The following CLDN6 variants were observed in gnomAD, a reference collection of about 807,000 sequenced individuals.
CLDN6 encodes the protein claudin-6.
For synonymous variants in CLDN6, 144 were observed against 131.2 expected, an observed-to-expected ratio of 1.10 and a Z score of -0.67; for missense variants, 279 against 284.1, an observed-to-expected ratio of 0.98 and a Z score of 0.13.
chr16:3,015,296 G>C lies in CLDN6; in HGVS notation c.*63C>G. On this transcript the variant is annotated 3_prime_UTR_variant, in exon 2 of 2. Coordinates refer to ENST00000328796, the MANE Select transcript of CLDN6 (RefSeq NM_021195.5). ...ACAAAAGGTACGAACCCATCCCAAA[G>C]CTGTTGGGCACTGCCACTTCTGGAT... 2 of 1,408,632 alleles carry C rather than the reference G, an allele frequency of 1.4e-6. No homozygotes were observed. Among genetic ancestry groups the C allele is most frequent in the Non-Finnish European group, 9.6e-7 (1 of 1,040,212 alleles). The allele number at this position is 1,408,632 out of a possible 1,614,324, so 87.3% of individuals were successfully genotyped here.
rs533452647 is a variant in CLDN6, at chr16:3,017,799, C to T, written c.-22+350G>A. 1.6e-3 allele frequency among the ~76,000 whole-genome samples: 242 copies of T among 151,926 alleles called. No homozygotes were observed. The Middle Eastern group carries it at 0.031, about 19-fold the overall frequency. On this transcript the variant is annotated intron_variant, in intron 1 of 1. Transcript: ENST00000328796. ...CACCCGACCACCCCAGCCTGGGAGCCGCGCGCCCTGGAGGGGTTCTATAGC... is the reference window on the plus strand; with the variant it reads ...CACCCGACCACCCCAGCCTGGGAGCTGCGCGCCCTGGAGGGGTTCTATAGC...
Position 3,015,459 on chromosome 16 carries a change from C to G in CLDN6, c.563G>C (p.Gly188Ala). 2 of 1,586,638 alleles carry G rather than the reference C, an allele frequency of 1.3e-6. No individual in the cohort carries two copies. Among genetic ancestry groups the G allele is most frequent in the Non-Finnish European group, 1.7e-6 (2 of 1,165,722 alleles). The stretch of plus-strand genomic sequence containing the variant: ...GTAATGGCTGGGGCCCTGGGACCCC[C>G]CCGAGGGGCAAGTGCAGCACAGCAA... ...GGLLCCTCPSGGSQGPSHYMA... is the reference protein window; with the variant it reads ...GGLLCCTCPSAGSQGPSHYMA... The change falls in exon 2 of 2, where the codon GGG becomes GCG. Residue 188 changes from glycine (G) to alanine (A), a missense_variant. Coordinates refer to ENST00000328796, the MANE Select transcript of CLDN6 (RefSeq NM_021195.5).
In CLDN6 at chr16:3,015,534, G is replaced by A. The variant is rs1436396337; in HGVS notation, c.488C>T (p.Ser163Phe). The part of the protein sequence containing the change: ...AEAQKRELGA[S>F]LYLGWAASGL... ...TGAGGCCGCCCAGCCCAAGTAGAGGGAGGCCCCCAGCTCCCGCTTTTGGGC... is the reference window on the plus strand; with the variant it reads ...TGAGGCCGCCCAGCCCAAGTAGAGGAAGGCCCCCAGCTCCCGCTTTTGGGC... The change falls in exon 2 of 2, where the codon TCC (serine) becomes TTC (phenylalanine). Residue 163 changes from serine to phenylalanine, a missense_variant. Transcript: ENST00000328796. 3.7e-6 allele frequency: 6 copies of A among 1,612,788 alleles called. No homozygotes were observed. In the Admixed American group the frequency reaches 1.0e-4, roughly 27 times the overall value.
At position 3,015,896 on chromosome 16, in the gene CLDN6, C is replaced by T. The variant is rs779467218; in HGVS notation, c.126G>A (p.Val42=). ...ACAGGCCCTCCCACACCACCTGGGC[C>T]ACCACGATGCTGTTGCCGATGAAAG... The part of the protein sequence containing the change: ...VTAFIGNSIV[V]AQVVWEGLWM... Residue 42 remains valine (V), a synonymous_variant, in exon 2 of 2, where the codon GTG becomes GTA. Transcript: ENST00000328796. 8.7e-6 allele frequency: 14 copies of T among 1,614,134 alleles called. No homozygotes were observed. The highest frequency in any genetic ancestry group is 3.3e-5 in the South Asian group (3 of 91,092).
At position 3,015,743 on chromosome 16, in the gene CLDN6, G is replaced by C. The variant is rs770885606; in HGVS notation, c.279C>G (p.Phe93Leu). ...CCCCAGCAAGGTAGACCAGCAAGCC[G>C]AACAGGGCCACAAGGAGGGCGATGA... The part of the protein sequence containing the change: ...LCVIALLVAL[F>L]GLLVYLAGAK... The change falls in exon 2 of 2, where the codon TTC becomes TTG. Residue 93 changes from phenylalanine (F) to leucine (L), a missense_variant. Coordinates refer to ENST00000328796, the MANE Select transcript of CLDN6 (RefSeq NM_021195.5). The C allele has an allele frequency of 1.9e-6, 3 of 1,613,978 alleles. No homozygotes were observed. The highest frequency in any genetic ancestry group is 2.5e-6 in the Non-Finnish European group (3 of 1,180,048).
chr16:3,017,928 G>C (rs2072578345), intron 1 of CLDN6, among the ~76,000 whole-genome samples: 1 of 151,108 alleles, frequency 6.6e-6, no homozygotes, highest in South Asian at 2.1e-4. Flanking sequence ...GGGTTTCGGA[G>C]TCTTTGTCCC....
In CLDN6 at chr16:3,014,980, C is replaced by G. The variant is rs984149421; in HGVS notation, c.*379G>C. On this transcript the variant is annotated 3_prime_UTR_variant, in exon 2 of 2. Coordinates refer to ENST00000328796, the MANE Select transcript of CLDN6 (RefSeq NM_021195.5). ...CCTGAGTAGGATGGGGGGCAGCTGT[C>G]CAGTGACATCTAGGGAAGCCCAGCC... The G allele has an allele frequency of 2.4e-6, 1 of 408,654 alleles. No individual in the cohort carries two copies. Among genetic ancestry groups the G allele is most frequent in the South Asian group, 1.2e-4 (1 of 8,632 alleles). 25.3% of individuals were successfully genotyped at this position (408,654 alleles called of 1,614,324 possible). A position where few individuals can be genotyped will look rare whatever the true frequency, so the allele number is the denominator to read the frequency against.
At chr16:3,016,776 T>C (rs1047687334) in intron 1 of CLDN6, among the ~76,000 whole-genome samples, 5 of 151,546 alleles carry the variant, frequency 3.3e-5, no homozygotes, top group Non-Finnish European at 5.9e-5. Context: ...GCCTCCCGAG[T>C]AGCTGGGACT....
intron 1 of CLDN6, among the ~76,000 whole-genome samples, chr16:3,016,697 G>C (rs2072569628): frequency 6.7e-6 from 1 of 149,778 alleles, no homozygotes; most frequent in Non-Finnish European, 1.5e-5. Flanking sequence ...GCCCAGCCTG[G>C]AGTGCAGTGG....
rs771125471 is a variant in CLDN6 at position 3,015,602 on chromosome 16, C to A, written c.420G>T (p.Ala140=). The change falls in exon 2 of 2, where the codon GCG becomes GCT. Residue 140 remains alanine (A), a synonymous_variant. Transcript: ENST00000328796. ...VLTLIPVCWT[A]HAIIRDFYNP... ...TATAGAAGTCCCGGATGATGGCATG[C>A]GCCGTCCAGCACACGGGGATTAGCG... The A allele has an allele frequency of 3.1e-6, 5 of 1,613,064 alleles. No individual in the cohort carries two copies. In the South Asian group the frequency reaches 4.4e-5, roughly 14 times the overall value.
At position 3,015,616 on chromosome 16, in the gene CLDN6, C is replaced by T. The variant is rs560543165; in HGVS notation, c.406G>A (p.Val136Met). Reference sequence around the variant, plus strand: ...ATGATGGCATGCGCCGTCCAGCACACGGGGATTAGCGTCAGGACCCCTGAG... The same window carrying T: ...ATGATGGCATGCGCCGTCCAGCACATGGGGATTAGCGTCAGGACCCCTGAG... ...VISGVLTLIP[V>M]CWTAHAIIRD... is the part of the protein sequence containing the mutation. The change falls in exon 2 of 2, where the codon GTG becomes ATG. Residue 136 changes from valine to methionine, a missense_variant. Coordinates refer to ENST00000328796, the MANE Select transcript of CLDN6 (RefSeq NM_021195.5). 90 of 1,613,284 alleles carry T rather than the reference C, an allele frequency of 5.6e-5. No individual in the cohort carries two copies. Among genetic ancestry groups the T allele is most frequent in the Non-Finnish European group, 6.8e-5 (80 of 1,180,048 alleles).
rs1219431808 is a variant in CLDN6, at chr16:3,015,321, T to C, written c.*38A>G. On this transcript the variant is annotated 3_prime_UTR_variant, in exon 2 of 2. Coordinates refer to ENST00000328796, the MANE Select transcript of CLDN6 (RefSeq NM_021195.5). ...GCTGTTGGGCACTGCCACTTCTGGA[T>C]GGCTCTAGCGCCAGCGGAGCCCCCA... is the stretch of plus-strand genomic sequence containing the variant. The C allele has an allele frequency of 1.3e-6, 2 of 1,503,644 alleles. No homozygotes were observed. The highest frequency in any genetic ancestry group is 1.4e-5 in the African/African-American group (1 of 71,432). 93.1% of individuals were successfully genotyped at this position (1,503,644 alleles called of 1,614,324 possible).
At position 3,014,792 on chromosome 16, in the gene CLDN6, A is replaced by C; in HGVS notation, c.*567T>G. 1 of 147,250 alleles carries C rather than the reference A, an allele frequency of 6.8e-6. No homozygotes were observed. The highest frequency in any genetic ancestry group is 1.5e-4 in the Admixed American group (1 of 6,808). The allele number at this position is 147,250 out of a possible 1,614,324, so 9.1% of individuals were successfully genotyped here. A position where few individuals can be genotyped will look rare whatever the true frequency, so the allele number is the denominator to read the frequency against. On this transcript the variant is annotated 3_prime_UTR_variant, in exon 2 of 2. Coordinates refer to ENST00000328796, the MANE Select transcript of CLDN6 (RefSeq NM_021195.5). Reference sequence around the variant, plus strand: ...CGAGGGGGGCAGGGCAGAAGGGTGCAGTGTTGGAGGTGGGGGCGGGGGTCT... The same window carrying C: ...CGAGGGGGGCAGGGCAGAAGGGTGCCGTGTTGGAGGTGGGGGCGGGGGTCT...
rs780310450 is a variant in CLDN6, at chr16:3,015,524, C to T, written c.498G>A (p.Leu166=). 7 of 1,612,858 alleles carry T rather than the reference C, an allele frequency of 4.3e-6. No homozygotes were observed. The highest frequency in any genetic ancestry group is 5.9e-6 in the Non-Finnish European group (7 of 1,179,842). The change falls in exon 2 of 2, where the codon TTG becomes TTA. Residue 166 remains leucine, a synonymous_variant. Coordinates refer to ENST00000328796, the MANE Select transcript of CLDN6 (RefSeq NM_021195.5). ...QKRELGASLY[L]GWAASGLLLL... Reference sequence around the variant, plus strand: ...ACAAAAGGCCTGAGGCCGCCCAGCCCAAGTAGAGGGAGGCCCCCAGCTCCC... The same window carrying T: ...ACAAAAGGCCTGAGGCCGCCCAGCCTAAGTAGAGGGAGGCCCCCAGCTCCC...
In CLDN6 at chr16:3,014,871, CAG is replaced by C. The variant is rs2072555147; in HGVS notation, c.*486_*487del. 2 of 351,668 alleles carry C rather than the reference CAG, an allele frequency of 5.7e-6. No homozygotes were observed. The highest frequency in any genetic ancestry group is 1.5e-4 in the South Asian group (1 of 6,674). The allele number at this position is 351,668 out of a possible 1,614,324, so 21.8% of individuals were successfully genotyped here. The stretch of plus-strand genomic sequence containing the variant: ...GGACGTCTTATCAGGACGGAGGAAA[CAG>C]AGGTCAGAAGTTCCGGAGGTGGGCA... On this transcript the variant is annotated 3_prime_UTR_variant, in exon 2 of 2. Coordinates refer to ENST00000328796, the MANE Select transcript of CLDN6 (RefSeq NM_021195.5).
intron 1 of CLDN6, 70 bp from the exon 2 acceptor site, chr16:3,016,112 G>T: frequency 1.4e-6 from 2 of 1,388,332 alleles, no homozygotes; most frequent in Admixed American, 2.2e-5. Context: ...ATGTGGACAG[G>T]ACTCTAGGGG....
rs769609115 is a variant in CLDN6 at position 3,015,965 on chromosome 16, C to T, written c.57G>A (p.Val19=). The change falls in exon 2 of 2, where the codon GTG becomes GTA. Residue 19 remains valine, a synonymous_variant. Transcript: ENST00000328796. ...LGVVLTLLGW[V]NGLVSCALPM... Reference sequence around the variant, plus strand: ...GCAGGGCACAGGAGACCAGGCCATTCACCCAGCCCAGCAGTGTCAGGACGA... The same window carrying T: ...GCAGGGCACAGGAGACCAGGCCATTTACCCAGCCCAGCAGTGTCAGGACGA... 91 of 1,614,120 alleles carry T rather than the reference C, an allele frequency of 5.6e-5. No homozygotes were observed. Among genetic ancestry groups the T allele is most frequent in the Non-Finnish European group, 7.5e-5 (88 of 1,180,058 alleles).
Position 3,015,839 on chromosome 16 carries a change from C to G in CLDN6, c.183G>C (p.Gln61His). The change falls in exon 2 of 2, where the codon CAG (glutamine) becomes CAC (histidine). Residue 61 changes from glutamine to histidine, a missense_variant. Gln to His is a conservative substitution (Grantham distance 24). Coordinates refer to ENST00000328796, the MANE Select transcript of CLDN6 (RefSeq NM_021195.5). Reference sequence around the variant, plus strand: ...GTGAGTCGTACACCTTGCACTGCATCTGGCCGGTGCTCTGCACCACGCAGG... The same window carrying G: ...GTGAGTCGTACACCTTGCACTGCATGTGGCCGGTGCTCTGCACCACGCAGG... Reference protein sequence around the residue: ...WMSCVVQSTGQMQCKVYDSLL... With the variant: ...WMSCVVQSTGHMQCKVYDSLL... 6.2e-7 allele frequency: 1 copy of G among 1,614,226 alleles called. No homozygotes were observed. Among genetic ancestry groups the G allele is most frequent in the South Asian group, 1.1e-5 (1 of 91,092 alleles).
rs1176976351 is a variant in CLDN6 at position 3,014,859 on chromosome 16, G to A, written c.*500C>T. On this transcript the variant is annotated 3_prime_UTR_variant, in exon 2 of 2. Transcript: ENST00000328796. ...GCCCTGGGGGGTGGACGTCTTATCA[G>A]GACGGAGGAAACAGAGGTCAGAAGT... 2.6e-5 allele frequency: 9 copies of A among 346,118 alleles called. No homozygotes were observed. Among genetic ancestry groups the A allele is most frequent in the Non-Finnish European group, 4.1e-5 (8 of 193,844 alleles). The allele number at this position is 346,118 out of a possible 1,614,324, so 21.4% of individuals were successfully genotyped here. A position where few individuals can be genotyped will look rare whatever the true frequency, so the allele number is the denominator to read the frequency against.
Sources: gnomAD v4.1 joint callset for allele counts (sites outside exome capture counted in the v4.1 genomes callset) on GRCh38, gnomAD v4.1.1 for gene constraint, MANE v1.5 for transcripts, NCBI Gene and HGNC (gene_info 2026-07-23, HGNC 2026-07-21) for gene names.